PDE9A: variants seen among roughly 807,000 people sequenced by gnomAD.
The protein encoded by PDE9A is phosphodiesterase 9A.
A neutral mutation model predicts 87.4 loss-of-function variants in PDE9A; 60 were observed. That is an observed-to-expected ratio of 0.69 (90% CI 0.56 to 0.85). The LOEUF is 0.85. PDE9A is among the 40% of genes least tolerant of loss of function. The probability of loss-of-function intolerance (pLI) is 0.00; values close to 1 mark genes in which losing one functional copy is unlikely to be tolerated. For missense variants in PDE9A, 665 were observed against 779.0 expected (o/e 0.85, Z 1.74); for synonymous variants, 272 against 279.4 (o/e 0.97, Z 0.27).
intron 7 of PDE9A, chr21:42,741,489 C>A (rs376257819): frequency 3.9e-5 from 6 of 152,404 alleles, no homozygotes; most frequent in East Asian, 3.9e-4. Context: ...TCGGCCATCA[C>A]GACAGCGACC....
At chr21:42,726,155 G>A (rs2051008787) in intron 4 of PDE9A, among the ~76,000 whole-genome samples, 1 of 152,082 alleles carries the variant, frequency 6.6e-6, no homozygotes, top group Non-Finnish European at 1.5e-5. Context: ...CTTTCAAGTT[G>A]GCTGGTTTTG....
rs2053567583 is a variant in PDE9A, at chr21:42,743,860, G to A, written c.653G>A (p.Arg218Lys). 6.4e-7 allele frequency: 1 copy of A among 1,565,530 alleles called. No individual in the cohort carries two copies. Among genetic ancestry groups the A allele is most frequent in the Non-Finnish European group, 8.7e-7 (1 of 1,152,382 alleles). ...MREELAARSSRTNCPCKYSFL... is the reference protein window; with the variant it reads ...MREELAARSSKTNCPCKYSFL... ...GAGGAGCTGGCGGCCAGAAGCAGCA[G>A]GTAGGGTCTGCGCTGGGGCCACGGG... The change falls in exon 8 of 20, where the codon AGG becomes AAG. Residue 218 changes from arginine (R) to lysine (K), a missense_variant and splice_region_variant. Physicochemically the swap from Arg to Lys is conservative, Grantham distance 26. Transcript: ENST00000291539.
At chr21:42,670,403 CACACAT>C (rs1569118385) in intron 1 of PDE9A, among the ~76,000 whole-genome samples, 145 of 100,272 alleles carry the variant, frequency 1.4e-3, no homozygotes, top group African/African-American at 0.014. Flanking sequence ...CACAAACATT[CACACAT>C]ACATTCACAC....
At position 42,772,444 on chromosome 21, in the gene PDE9A, G is replaced by A. The variant is rs930960580; in HGVS notation, c.1692G>A (p.Gln564=). ...TTCTCTGTACTCTGTTCCAGTTACA[G>A]AAGAAGACTGACAGCTTGACGTCTG... is the stretch of plus-strand genomic sequence containing the variant. The part of the protein sequence containing the change: ...KRIDDAMKEL[Q]KKTDSLTSGA... Residue 564 remains glutamine (Q), a synonymous_variant, in exon 19 of 20, where the codon CAG becomes CAA. Transcript: ENST00000291539. 1 of 1,607,566 alleles carries A rather than the reference G, an allele frequency of 6.2e-7. No individual in the cohort carries two copies. The highest frequency in any genetic ancestry group is 1.7e-5 in the Admixed American group (1 of 59,386).
chr21:42,724,722 A>G (rs777048179), intron 4 of PDE9A: 52 of 434,874 alleles, frequency 1.2e-4, no homozygotes, highest in African/African-American at 1.1e-4. Flanking sequence ...AATAGCTGAC[A>G]TGCTGGCCTG....
chr21:42,721,798 G>A (rs781456320), intron 4 of PDE9A, among the ~76,000 whole-genome samples: 10 of 151,970 alleles, frequency 6.6e-5, no homozygotes, highest in Non-Finnish European at 1.5e-4. Context: ...GCTCTCAGGG[G>A]TTGGAGGTTG....
chr21:42,768,948 C>T lies in PDE9A; in HGVS notation c.1462-79C>T, dbSNP rs551146972. The T allele has an allele frequency of 4.7e-5, 71 of 1,522,322 alleles. No homozygotes were observed. The African/African-American group carries it at 9.1e-4, about 20-fold the overall frequency. The allele number at this position is 1,522,322 out of a possible 1,614,324, so 94.3% of individuals were successfully genotyped here. A position where few individuals can be genotyped will look rare whatever the true frequency, so the allele number is the denominator to read the frequency against. On this transcript the variant is annotated intron_variant, in intron 16 of 19. Transcript: ENST00000291539. Reference sequence around the variant, plus strand: ...GTTGGTTGGTGGTTAACTGGCGCATCTTGTCTTTCTCTGAGAACAGCGATC... The same window carrying T: ...GTTGGTTGGTGGTTAACTGGCGCATTTTGTCTTTCTCTGAGAACAGCGATC...
intron 17 of PDE9A, among the ~76,000 whole-genome samples, chr21:42,769,453 C>T (rs560377976): frequency 5.2e-4 from 74 of 141,958 alleles, no homozygotes; most frequent in Middle Eastern, 8.1e-3. Flanking sequence ...CACAGGCACA[C>T]ACAGGCACAC....
intron 1 of PDE9A, among the ~76,000 whole-genome samples, chr21:42,656,443 TC>T (rs2057079909): frequency 6.6e-6 from 1 of 152,224 alleles, no homozygotes; most frequent in African/African-American, 2.4e-5. Context: ...AGTTCTGTGC[TC>T]CGGCAAAGCT....
intron 8 of PDE9A, among the ~76,000 whole-genome samples, chr21:42,746,647 T>G (rs138131472): frequency 6.6e-6 from 1 of 152,286 alleles, no homozygotes; most frequent in Non-Finnish European, 1.5e-5. Flanking sequence ...GACTTCAACA[T>G]ACAACTTTTG....
At chr21:42,767,333 C>T (rs1201815945) in intron 15 of PDE9A, among the ~76,000 whole-genome samples, 1 of 152,068 alleles carries the variant, frequency 6.6e-6, no homozygotes, top group African/African-American at 2.4e-5. Flanking sequence ...GGTGTCGGGA[C>T]AGCTCCACTG....
In PDE9A at chr21:42,675,559, G is replaced by T. The variant is rs977455848; in HGVS notation, c.70-10633G>T. ...CTGTGAGTCAAAGGGCACAAATACC[G>T]CCAACCTGCTTTCCGACAGCGCTGT... is the stretch of plus-strand genomic sequence containing the variant. On this transcript the variant is annotated intron_variant, in intron 1 of 19. Coordinates refer to ENST00000291539, the MANE Select transcript of PDE9A (RefSeq NM_002606.3). The surrounding 1 kb of genome is among the most constrained non-coding windows in gnomAD (Gnocchi z 4.3). Among the ~76,000 whole-genome samples the T allele has an allele frequency of 1.3e-5, 2 of 152,214 alleles. No individual in the cohort carries two copies. Among genetic ancestry groups the T allele is most frequent in the Non-Finnish European group, 1.5e-5 (1 of 68,038 alleles).
chr21:42,773,343 G>A (rs1244275365), intron 19 of PDE9A, among the ~76,000 whole-genome samples: 2 of 151,762 alleles, frequency 1.3e-5, no homozygotes, highest in South Asian at 2.1e-4. Context: ...ATTAGCATAT[G>A]TATCACTTAT....
chr21:42,754,605 T>G (rs762001425), intron 10 of PDE9A, among the ~76,000 whole-genome samples: 3 of 152,242 alleles, frequency 2.0e-5, no homozygotes, highest in Non-Finnish European at 4.4e-5. Context: ...CTGAGTGATA[T>G]GATTTGGCTG....
chr21:42,717,374 T>G (rs1227205334), intron 4 of PDE9A, among the ~76,000 whole-genome samples: 1 of 124,362 alleles, frequency 8.0e-6, no homozygotes, highest in Admixed American at 9.9e-5. Flanking sequence ...CACTGCAACC[T>G]CCGCCTCCTA....
intron 1 of PDE9A, among the ~76,000 whole-genome samples, chr21:42,673,768 C>T (rs1431997670): frequency 6.6e-6 from 1 of 152,152 alleles, no homozygotes; most frequent in African/African-American, 2.4e-5. Context: ...CCGCCCTCCT[C>T]GCTGTGTGAG....
At chr21:42,769,844 C>T (rs558709713) in intron 17 of PDE9A, among the ~76,000 whole-genome samples, 1 of 152,296 alleles carries the variant, frequency 6.6e-6, no homozygotes, top group East Asian at 1.9e-4. Context: ...TCGTGGTGAC[C>T]GCTGTCCCTG....
At chr21:42,671,501 T>C (rs2058560585) in intron 1 of PDE9A, among the ~76,000 whole-genome samples, 1 of 152,260 alleles carries the variant, frequency 6.6e-6, no homozygotes. Context: ...TAATCCATTC[T>C]GAGTGTGACT....
intron 1 of PDE9A, among the ~76,000 whole-genome samples, chr21:42,685,288 C>T (rs2059391363): frequency 6.6e-6 from 1 of 152,260 alleles, no homozygotes; most frequent in Admixed American, 6.5e-5. Flanking sequence ...GCTTCCACCA[C>T]AGCCCCGGCG....
Sources: gnomAD v4.1 joint callset for allele counts (sites outside exome capture counted in the v4.1 genomes callset) on GRCh38, gnomAD v4.1.1 for gene constraint, Gnocchi (gnomAD v3.1) non-coding constraint, MANE v1.5 for transcripts, NCBI Gene and HGNC (gene_info 2026-07-23, HGNC 2026-07-21) for gene names.